Variants in CNTN4 observed in about 807,000 individuals in gnomAD.
CNTN4 encodes contactin 4, also known as contactin-4.
A neutral mutation model predicts 122.5 loss-of-function variants in CNTN4; 77 were observed. The ratio of observed to expected loss-of-function variants is 0.63; its 90% CI spans 0.52 to 0.76. CNTN4 has a LOEUF of 0.76. Among genes scored for constraint, CNTN4 ranks in the 30% least tolerant of loss-of-function variants. The pLI, the probability that CNTN4 is intolerant of heterozygous loss-of-function variation, is 0.00. For synonymous variants in CNTN4, 512 were observed against 447.0 expected (o/e 1.15, Z -1.83); for missense variants, 1,256 against 1,259.1 (o/e 1.00, Z 0.04).
chr3:2,479,211 A>G lies in CNTN4; in HGVS notation c.-88-92205A>G, dbSNP rs78675198. The stretch of plus-strand genomic sequence containing the variant: ...TTTAAGAGAAAAAAATAATAACTTT[A>G]TCTGTTGTTACCATTTCTATAGCCT... On this transcript the variant is annotated intron_variant, in intron 3 of 24. Coordinates refer to ENST00000418658, the MANE Select transcript of CNTN4 (RefSeq NM_175607.3). Among the ~76,000 whole-genome samples the G allele has an allele frequency of 7.4e-3, 1,131 of 152,322 alleles. 11 individuals carry two copies. Among genetic ancestry groups the G allele is most frequent in the African/African-American group, 0.026 (1,073 of 41,570 alleles).
At chr3:2,223,790 C>A (rs1425658771) in intron 2 of CNTN4, among the ~76,000 whole-genome samples, 1 of 152,184 alleles carries the variant, frequency 6.6e-6, no homozygotes, top group East Asian at 1.9e-4. Context: ...GGGAAAATGG[C>A]TTCCCGCTTT....
At chr3:2,179,910 T>C (rs2036936308) in intron 2 of CNTN4, among the ~76,000 whole-genome samples, 2 of 152,040 alleles carry the variant, frequency 1.3e-5, no homozygotes, top group South Asian at 4.1e-4. Context: ...ACTTCATAGG[T>C]ACTCAGTTGT....
intron 2 of CNTN4, among the ~76,000 whole-genome samples, chr3:2,287,766 GA>G (rs1559416248): frequency 1.4e-5 from 2 of 147,250 alleles, no homozygotes; most frequent in Non-Finnish European, 3.0e-5. Flanking sequence ...AGAAGAAGAA[GA>G]AGAAGAAGAA....
At chr3:2,855,644 C>T (rs2093610274) in intron 7 of CNTN4, among the ~76,000 whole-genome samples, 3 of 152,176 alleles carry the variant, frequency 2.0e-5, no homozygotes, top group Admixed American at 6.5e-5. Context: ...CTTTGAGTAA[C>T]TGTGATCTGA....
At chr3:2,883,377 C>T in intron 9 of CNTN4, 130 bp downstream of exon 9, 2 of 708,384 alleles carry the variant, frequency 2.8e-6, no homozygotes, top group Non-Finnish European at 5.1e-6. Flanking sequence ...CTTTGTAATT[C>T]TGTGTATGCA....
intron 2 of CNTN4, among the ~76,000 whole-genome samples, chr3:2,256,177 A>G (rs965508459): frequency 6.6e-6 from 1 of 152,214 alleles, no homozygotes; most frequent in Admixed American, 6.5e-5. Flanking sequence ...ATGCAAATAA[A>G]CGAGAAAATC....
chr3:2,856,797 A>G (rs995130385), intron 7 of CNTN4, among the ~76,000 whole-genome samples: 2 of 152,210 alleles, frequency 1.3e-5, no homozygotes, highest in African/African-American at 2.4e-5. Context: ...TAGAAAGCTA[A>G]AATTAAGTAA....
chr3:2,115,067 C>G (rs1178080005), intron 2 of CNTN4, among the ~76,000 whole-genome samples: 1 of 152,198 alleles, frequency 6.6e-6, no homozygotes, highest in African/African-American at 2.4e-5. Flanking sequence ...GCCCACCCTC[C>G]TAATAGGCAG....
At chr3:2,890,506 G>T (rs143705746) in intron 10 of CNTN4, among the ~76,000 whole-genome samples, 25 of 152,274 alleles carry the variant, frequency 1.6e-4, no homozygotes, top group African/African-American at 5.8e-4. Flanking sequence ...TGGGTTCCAG[G>T]TTGTTTATTG....
chr3:2,985,911 A>G (rs1026627771), intron 13 of CNTN4, among the ~76,000 whole-genome samples: 1 of 144,722 alleles, frequency 6.9e-6, no homozygotes, highest in Non-Finnish European at 1.5e-5. Flanking sequence ...ATAAGAGAAT[A>G]CTTTTTTTTT....
At chr3:3,020,402 G>A (rs1006874616) in intron 14 of CNTN4, among the ~76,000 whole-genome samples, 3 of 152,160 alleles carry the variant, frequency 2.0e-5, no homozygotes, top group Admixed American at 6.5e-5. Flanking sequence ...GCTTAATGTC[G>A]AAGAAAGAAA....
chr3:2,272,470 C>G (rs577709574), intron 2 of CNTN4, among the ~76,000 whole-genome samples: 7 of 152,296 alleles, frequency 4.6e-5, no homozygotes, highest in African/African-American at 1.7e-4. Flanking sequence ...ATACAGCAAT[C>G]ACTTACTGAT....
At chr3:2,127,568 A>G (rs1234734166) in intron 2 of CNTN4, among the ~76,000 whole-genome samples, 1 of 152,148 alleles carries the variant, frequency 6.6e-6, no homozygotes, top group Non-Finnish European at 1.5e-5. Flanking sequence ...TTTCTAAAAT[A>G]TAAAAAAAAT....
chr3:2,346,690 A>T (rs1339545558), intron 3 of CNTN4, among the ~76,000 whole-genome samples: 3 of 152,196 alleles, frequency 2.0e-5, no homozygotes, highest in African/African-American at 4.8e-5. Flanking sequence ...AGATAATGAA[A>T]TCTGCTGTTA....
intron 6 of CNTN4, among the ~76,000 whole-genome samples, chr3:2,779,198 T>G (rs1350839685): frequency 6.6e-6 from 1 of 152,216 alleles, no homozygotes; most frequent in Non-Finnish European, 1.5e-5. Context: ...GGCTTGAATC[T>G]TAGACCAATA....
At chr3:3,016,373 T>A (rs1379498438) in intron 14 of CNTN4, among the ~76,000 whole-genome samples, 1 of 152,172 alleles carries the variant, frequency 6.6e-6, no homozygotes, top group African/African-American at 2.4e-5. Flanking sequence ...TTATTCATAG[T>A]GGGAAGCTTA....
At chr3:2,872,684 T>C (rs2150894766) in intron 8 of CNTN4, among the ~76,000 whole-genome samples, 1 of 152,258 alleles carries the variant, frequency 6.6e-6, no homozygotes, top group South Asian at 2.1e-4. Context: ...TCTCTCTTTC[T>C]CTGTACTCTG....
chr3:2,782,399 C>T (rs527694651), intron 6 of CNTN4, among the ~76,000 whole-genome samples: 1 of 151,338 alleles, frequency 6.6e-6, no homozygotes, highest in East Asian at 2.0e-4. Flanking sequence ...CACTAAAGAG[C>T]TTCCTAGTGG....
intron 3 of CNTN4, among the ~76,000 whole-genome samples, chr3:2,354,455 C>T (rs139435430): frequency 2.1e-4 from 32 of 152,236 alleles, no homozygotes; most frequent in African/African-American, 7.0e-4. Flanking sequence ...CACTTGAACC[C>T]GGGAGGCGGA....
Sources: allele counts gnomAD v4.1 joint callset (sites outside exome capture counted in the v4.1 genomes callset), GRCh38; gene constraint gnomAD v4.1.1; transcripts MANE v1.5; gene names NCBI Gene and HGNC (gene_info 2026-07-23, HGNC 2026-07-21).